Variants in CINP observed in about 807,000 individuals in gnomAD.
The protein encoded by CINP is cyclin dependent kinase 2 interacting protein.
A neutral mutation model predicts 20.5 loss-of-function variants in CINP; 11 were observed. That is an observed-to-expected ratio of 0.54 (90% confidence interval 0.34 to 0.89). The LOEUF is 0.89. CINP is among the 40% of genes least tolerant of loss of function. CINP has a pLI of 0.02. For missense variants in CINP, 213 were observed against 251.0 expected (o/e 0.85, Z 1.02); for synonymous variants, 108 against 102.1 (o/e 1.06, Z -0.35).
chr14:102,356,872 T>C (rs889384291), intron 2 of CINP, among the ~76,000 whole-genome samples: 1 of 152,118 alleles, frequency 6.6e-6, no homozygotes, highest in Non-Finnish European at 1.5e-5. Flanking sequence ...GCTGCTCCCC[T>C]TTCTCCCCAT....
At position 102,354,867 on chromosome 14, in the gene CINP, C is replaced by T. The variant is rs148066974; in HGVS notation, c.306+901G>A. Among the ~76,000 whole-genome samples, 413 of 151,784 alleles carry T rather than the reference C, an allele frequency of 2.7e-3. 3 individuals are homozygous for T. The highest frequency in any genetic ancestry group is 9.2e-3 in the African/African-American group (379 of 41,406). On this transcript the variant is annotated intron_variant, in intron 3 of 4. Coordinates refer to ENST00000216756, the MANE Select transcript of CINP (RefSeq NM_032630.3). ...GGCTGATCACTTGAGGTCAGGAGTT[C>T]GAGACCAGCCTGGTCAACATGGTGA...
At chr14:102,352,685 G>A (rs541766378) in intron 3 of CINP, 35 of 392,348 alleles carry the variant, frequency 8.9e-5, no homozygotes, top group African/African-American at 6.5e-4. Context: ...TTGACACGGA[G>A]TCTCACTCTG....
intron 2 of CINP, among the ~76,000 whole-genome samples, chr14:102,356,431 A>G (rs1448777170): frequency 6.6e-6 from 1 of 151,514 alleles, no homozygotes; most frequent in African/African-American, 2.4e-5. Context: ...AAAAAAAAAC[A>G]CCATTCAGCG....
rs1886860275 is a variant in CINP, at chr14:102,351,212, C to T, written c.307-1164G>A. On this transcript the variant is annotated intron_variant, in intron 3 of 4. Coordinates refer to ENST00000216756, the MANE Select transcript of CINP (RefSeq NM_032630.3). The surrounding 1 kb of genome is among the most constrained non-coding windows in gnomAD (Gnocchi z 4.2). ...GGCAACACAGAAAGGGAGCCCTACA[C>T]ACTTCACGCAGAAAGGAAGGAAACG... 6.6e-6 allele frequency among the ~76,000 whole-genome samples: 1 copy of T among 152,204 alleles called. No homozygotes were observed. The highest frequency in any genetic ancestry group is 1.5e-5 in the Non-Finnish European group (1 of 68,036).
At chr14:102,360,617 T>C (rs1887118860) in intron 1 of CINP, among the ~76,000 whole-genome samples, 1 of 152,198 alleles carries the variant, frequency 6.6e-6, no homozygotes, top group Admixed American at 6.6e-5. Flanking sequence ...AAAATGGGAA[T>C]AAAAATAGTA....
Position 102,349,973 on chromosome 14 carries a change from C to G in CINP, c.382G>C (p.Gly128Arg). The change falls in exon 4 of 5, where the codon GGG (glycine) becomes CGG (arginine). Residue 128 changes from glycine to arginine, a missense_variant. Gly to Arg is a moderately radical substitution (Grantham distance 125, BLOSUM62 -2). Transcript: ENST00000216756. ...GICELENYHY[G>R]EESKRPPLFH... ...AGAGGGGGTCGTTTACTCTCCTCCC[C>G]ATAATGGTAGTTTTCTAGTTCACAA... 6.2e-7 allele frequency: 1 copy of G among 1,613,890 alleles called. No individual in the cohort carries two copies. Among genetic ancestry groups the G allele is most frequent in the Non-Finnish European group, 8.5e-7 (1 of 1,179,874 alleles).
intron 1 of CINP, 142 bp from the exon 2 acceptor site, chr14:102,359,729 C>CCTG: frequency 1.9e-6 from 1 of 527,972 alleles, no homozygotes; most frequent in Non-Finnish European, 3.2e-6. Flanking sequence ...ACTACAAAGT[C>CCTG]TGAATGAATG....
At chr14:102,362,552 A>G in intron 1 of CINP, 1 of 703,296 alleles carries the variant, frequency 1.4e-6, no homozygotes, top group East Asian at 2.7e-5. Context: ...TGTTAGTACT[A>G]ATTTATAGTG....
In CINP at chr14:102,355,753, G is replaced by A. The variant is rs137866895; in HGVS notation, c.306+15C>T. The A allele has an allele frequency of 3.3e-4, 537 of 1,613,080 alleles. No homozygotes were observed. The African/African-American group carries it at 4.6e-3, about 14-fold the overall frequency. The stretch of plus-strand genomic sequence containing the variant: ...GTGACAGTGACCACAAGTGGCCTGC[G>A]TCTTTATGTCTTACCAACCCATCCA... On this transcript the variant is annotated intron_variant, in intron 3 of 4. Coordinates refer to ENST00000216756, the MANE Select transcript of CINP (RefSeq NM_032630.3).
intron 3 of CINP, among the ~76,000 whole-genome samples, chr14:102,354,862 G>A (rs1302154536): frequency 6.6e-6 from 1 of 152,132 alleles, no homozygotes; most frequent in Admixed American, 6.5e-5. Context: ...TTGAGGTCAG[G>A]AGTTCGAGAC....
At chr14:102,350,153 A>C (rs1886835892) in intron 3 of CINP, 105 bp from the exon 4 acceptor site, 1 of 1,055,864 alleles carries the variant, frequency 9.5e-7, no homozygotes, top group African/African-American at 1.6e-5. Context: ...CTATTATGAT[A>C]AAAATTCCAA....
At chr14:102,352,030 G>A (rs867666545) in intron 3 of CINP, among the ~76,000 whole-genome samples, 15 of 151,952 alleles carry the variant, frequency 9.9e-5, no homozygotes, top group African/African-American at 2.9e-4. Flanking sequence ...GACTACAGGC[G>A]CCCGCCACTG....
In CINP at chr14:102,350,060, C is replaced by T; in HGVS notation, c.307-12G>A. 1 of 1,602,568 alleles carries T rather than the reference C, an allele frequency of 6.2e-7. No individual in the cohort carries two copies. Among genetic ancestry groups the T allele is most frequent in the African/African-American group, 1.3e-5 (1 of 74,432 alleles). On this transcript the variant is annotated splice_polypyrimidine_tract_variant and intron_variant, in intron 3 of 4. Transcript: ENST00000216756. Reference sequence around the variant, plus strand: ...ACCTGTATTTTGGTCTGAAAGATATCCATTTGGAATATGATAATATTATTT... The same window carrying T: ...ACCTGTATTTTGGTCTGAAAGATATTCATTTGGAATATGATAATATTATTT...
rs1436493097 is a variant in CINP at position 102,350,034 on chromosome 14, C to T, written c.321G>A (p.Val107=). The change falls in exon 4 of 5, where the codon GTG becomes GTA. Residue 107 remains valine, a synonymous_variant. Transcript: ENST00000216756. Reference sequence around the variant, plus strand: ...TAGTTGAAGACAGCTTTTCCATTTTCACCTGTATTTTGGTCTGAAAGATAT... The same window carrying T: ...TAGTTGAAGACAGCTTTTCCATTTTTACCTGTATTTTGGTCTGAAAGATAT... The part of the protein sequence containing the change: ...ATLDGLTKIQ[V]KMEKLSSTTK... 2 of 1,612,340 alleles carry T rather than the reference C, an allele frequency of 1.2e-6. No homozygotes were observed. The highest frequency in any genetic ancestry group is 1.7e-6 in the Non-Finnish European group (2 of 1,178,850).
chr14:102,360,129 A>T (rs931680211), intron 1 of CINP, among the ~76,000 whole-genome samples: 2 of 152,012 alleles, frequency 1.3e-5, no homozygotes. Context: ...ATCCTTCCAG[A>T]CCTAGCTACC....
At chr14:102,352,034 G>A (rs183247257) in intron 3 of CINP, among the ~76,000 whole-genome samples, 263 of 152,230 alleles carry the variant, frequency 1.7e-3, no homozygotes, top group Middle Eastern at 6.8e-3. Flanking sequence ...ACAGGCGCCC[G>A]CCACTGTGCC....
At chr14:102,358,060 G>A (rs918877313) in intron 2 of CINP, among the ~76,000 whole-genome samples, 1 of 152,150 alleles carries the variant, frequency 6.6e-6, no homozygotes, top group Non-Finnish European at 1.5e-5. Flanking sequence ...AATCTACTCT[G>A]CCAGTGGAAA....
intron 1 of CINP, among the ~76,000 whole-genome samples, chr14:102,361,017 A>G (rs1396510221): frequency 6.6e-6 from 1 of 152,238 alleles, no homozygotes; most frequent in Non-Finnish European, 1.5e-5. Flanking sequence ...CATGGAACTT[A>G]CTTTCCAAAG....
rs758464250 is a variant in CINP, at chr14:102,359,457, G to A, written c.138C>T (p.Thr46=). ...KWETLNDAGF[T]TANNIANLKI... is the part of the protein sequence containing the mutation. ...TCAAGTTGGCAATATTATTTGCAGT[G>A]GTAAAACCTGCATCATTGAGGGTTT... The change falls in exon 2 of 5, where the codon ACC becomes ACT. Residue 46 remains threonine, a synonymous_variant. Coordinates refer to ENST00000216756, the MANE Select transcript of CINP (RefSeq NM_032630.3). 2 of 1,608,986 alleles carry A rather than the reference G, an allele frequency of 1.2e-6. No individual in the cohort carries two copies. Among genetic ancestry groups the A allele is most frequent in the South Asian group, 1.1e-5 (1 of 90,266 alleles).
Sources: gnomAD v4.1 joint callset for allele counts (sites outside exome capture counted in the v4.1 genomes callset) on GRCh38, gnomAD v4.1.1 for gene constraint, Gnocchi (gnomAD v3.1) non-coding constraint, MANE v1.5 for transcripts, NCBI Gene and HGNC (gene_info 2026-07-23, HGNC 2026-07-21) for gene names.